TSHZ3: variants seen among roughly 807,000 people sequenced by gnomAD.
TSHZ3 encodes the protein teashirt zinc finger homeobox 3.
Under a neutral mutation model 64.5 loss-of-function variants are expected in TSHZ3, and 10 were observed. The ratio of observed to expected loss-of-function variants is 0.16; its 90% CI spans 0.10 to 0.26. The LOEUF is 0.26. TSHZ3 is among the 10% of genes least tolerant of loss of function. TSHZ3 has a pLI of 1.00. For synonymous variants in TSHZ3, 608 were observed against 593.1 expected (o/e 1.03, Z -0.36); for missense variants, 1,242 against 1,421.7 (o/e 0.87, Z 2.03).
chr19:31,243,570 C>T lies in TSHZ3; in HGVS notation n.64-695G>A, dbSNP rs570083405. On this transcript the variant is annotated intron_variant and non_coding_transcript_variant, in intron 1 of 6. Coordinates refer to the TSHZ3 transcript ENST00000651361. ...CGGCAGGCTGGTATTATAGTGGTGA[C>T]CGCCCTGCCGCCTGCATATGGGATG... is the stretch of plus-strand genomic sequence containing the variant. 3.3e-5 allele frequency among the ~76,000 whole-genome samples: 5 copies of T among 152,240 alleles called. No homozygotes were observed. The South Asian group carries it at 1.0e-3, about 32-fold the overall frequency.
At chr19:31,190,203 G>A (rs1974880426) in intron 5 of TSHZ3, among the ~76,000 whole-genome samples, 1 of 152,104 alleles carries the variant, frequency 6.6e-6, no homozygotes, top group African/African-American at 2.4e-5. Context: ...AACTTCACAG[G>A]GAAGTAACCC....
intron 1 of TSHZ3, among the ~76,000 whole-genome samples, chr19:31,267,518 A>C (rs1976070227): frequency 6.6e-6 from 1 of 151,794 alleles, no homozygotes. Context: ...AGCACAAGGC[A>C]CCATCTCCTC....
intron 1 of TSHZ3, among the ~76,000 whole-genome samples, chr19:31,345,203 A>T (rs572709805): frequency 3.3e-5 from 5 of 152,294 alleles, no homozygotes; most frequent in African/African-American, 7.2e-5. Flanking sequence ...GGGAAGAAAA[A>T]AATCATAGAA....
chr19:31,267,583 C>T (rs1976071118), intron 1 of TSHZ3, among the ~76,000 whole-genome samples: 1 of 152,132 alleles, frequency 6.6e-6, no homozygotes, highest in Non-Finnish European at 1.5e-5. Flanking sequence ...CCATTTCTTT[C>T]AAGGGTCTCT....
intron 5 of TSHZ3, among the ~76,000 whole-genome samples, chr19:31,167,353 T>C (rs1568334892): frequency 6.6e-6 from 1 of 152,192 alleles, no homozygotes; most frequent in African/African-American, 2.4e-5. Flanking sequence ...ATCTGAGAGA[T>C]TGAAGGGACC....
intron 4 of TSHZ3, among the ~76,000 whole-genome samples, chr19:31,207,169 A>C (rs1975191282): frequency 6.6e-6 from 1 of 152,226 alleles, no homozygotes; most frequent in African/African-American, 2.4e-5. Flanking sequence ...CTTTTAATGA[A>C]TGCATTGAAA....
At position 31,336,551 on chromosome 19, in the gene TSHZ3, C is replaced by A. The variant is rs77847556; in HGVS notation, c.40+12629G>T. ...ATGGAATGTCTTTCAAGCTTCCCAT[C>A]TTCATGTTTTAAAAAATCCGGTTAT... On this transcript the variant is annotated intron_variant, in intron 1 of 1. Transcript: ENST00000240587. Among the ~76,000 whole-genome samples, 572 of 152,306 alleles carry A rather than the reference C, an allele frequency of 3.8e-3. 2 individuals carry two copies. The highest frequency in any genetic ancestry group is 0.013 in the African/African-American group (546 of 41,570).
intron 1 of TSHZ3, among the ~76,000 whole-genome samples, chr19:31,292,979 A>G (rs1323297453): frequency 1.3e-5 from 2 of 151,252 alleles, no homozygotes; most frequent in Non-Finnish European, 1.5e-5. Context: ...CCATCCATCC[A>G]TCCATCCATT....
intron 1 of TSHZ3, among the ~76,000 whole-genome samples, chr19:31,265,414 A>G (rs1337135846): frequency 1.3e-5 from 2 of 149,966 alleles, no homozygotes; most frequent in Admixed American, 6.6e-5. Context: ...AAAAAAAAAA[A>G]AAAAAAGAAA....
chr19:31,322,042 CATT>C (rs919268402), intron 1 of TSHZ3, among the ~76,000 whole-genome samples: 97 of 152,236 alleles, frequency 6.4e-4, no homozygotes, highest in African/African-American at 2.3e-3. Context: ...CATATGTTCT[CATT>C]GTTCAACTCC....
At chr19:31,239,731 C>G (rs960941192) in intron 3 of TSHZ3, among the ~76,000 whole-genome samples, 1 of 148,636 alleles carries the variant, frequency 6.7e-6, no homozygotes, top group East Asian at 2.0e-4. Context: ...AGGCATGTGA[C>G]AACATGCCCA....
intron 1 of TSHZ3, among the ~76,000 whole-genome samples, chr19:31,250,142 A>G (rs1975817991): frequency 6.6e-6 from 1 of 152,226 alleles, no homozygotes; most frequent in African/African-American, 2.4e-5. Flanking sequence ...AAAAGCACTG[A>G]AGGAAATTCT....
rs767506982 is a variant in TSHZ3 at position 31,279,426 on chromosome 19, T to C, written c.367A>G (p.Asn123Asp). The C allele has an allele frequency of 1.9e-6, 3 of 1,614,204 alleles. No homozygotes were observed. Among genetic ancestry groups the C allele is most frequent in the Non-Finnish European group, 2.5e-6 (3 of 1,180,044 alleles). ...CAGTAGGAGTTGGAGAGGAAGTTGT[T>C]GTACACGGCCTTCATCTGCTCCAGG... ...DSLEQMKAVY[N>D]NFLSNSYWSN... Residue 123 changes from asparagine (N) to aspartate (D), a missense_variant, in exon 2 of 2, where the codon AAC (asparagine) becomes GAC (aspartate). Coordinates refer to ENST00000240587, the MANE Select transcript of TSHZ3 (RefSeq NM_020856.4). This position sits in a 1 kb window ranked among gnomAD's most constrained non-coding sequence, Gnocchi z 6.4.
At chr19:31,193,254 C>G (rs181631090) in intron 5 of TSHZ3, among the ~76,000 whole-genome samples, 304 of 152,258 alleles carry the variant, frequency 2.0e-3, no homozygotes, top group Non-Finnish European at 2.5e-3. Context: ...CTGAAATTTT[C>G]TTTCACTCAA....
chr19:31,195,214 G>A (rs1219426388), intron 5 of TSHZ3, among the ~76,000 whole-genome samples: 2 of 79,582 alleles, frequency 2.5e-5, no homozygotes, highest in African/African-American at 1.1e-4. Context: ...TCAAATTAAT[G>A]TCACACACCA....
At chr19:31,248,308 G>A (rs1285214364) in intron 1 of TSHZ3, among the ~76,000 whole-genome samples, 1 of 152,178 alleles carries the variant, frequency 6.6e-6, no homozygotes, top group East Asian at 1.9e-4. Context: ...CTAACAATTA[G>A]GGAATCTGAT....
At chr19:31,224,486 T>G (rs1383771931) in intron 4 of TSHZ3, among the ~76,000 whole-genome samples, 2 of 152,214 alleles carry the variant, frequency 1.3e-5, no homozygotes, top group Non-Finnish European at 2.9e-5. Context: ...TGACGTTTGC[T>G]GTGAAGACAA....
intron 1 of TSHZ3, among the ~76,000 whole-genome samples, chr19:31,267,375 A>G (rs1976068199): frequency 6.6e-6 from 1 of 152,090 alleles, no homozygotes; most frequent in African/African-American, 2.4e-5. Context: ...TAGGACCTCC[A>G]TGTTCAAATG....
chr19:31,174,919 T>A (rs1406752507), intron 5 of TSHZ3, among the ~76,000 whole-genome samples: 1 of 152,234 alleles, frequency 6.6e-6, no homozygotes, highest in African/African-American at 2.4e-5. Context: ...AAATCCCCCC[T>A]GCATGCATTC....
Sources: allele counts gnomAD v4.1 joint callset (sites outside exome capture counted in the v4.1 genomes callset), GRCh38; gene constraint gnomAD v4.1.1; non-coding constraint Gnocchi (gnomAD v3.1); transcripts MANE v1.5; gene names NCBI Gene and HGNC (gene_info 2026-07-23, HGNC 2026-07-21).